TMTC1: variants seen among roughly 807,000 people sequenced by gnomAD.
TMTC1 encodes the protein transmembrane O-mannosyltransferase targeting cadherins 1, also known as protein O-mannosyl-transferase TMTC1.
A neutral mutation model predicts 104.8 loss-of-function variants in TMTC1; 73 were observed. The observed-to-expected ratio is 0.70, with a 90% confidence interval of 0.58 to 0.85. TMTC1 has a LOEUF of 0.85. Among genes scored for constraint, TMTC1 ranks in the 40% least tolerant of loss-of-function variants. The pLI, the probability that TMTC1 is intolerant of heterozygous loss-of-function variation, is 0.00. For synonymous variants in TMTC1, 434 were observed against 428.7 expected (o/e 1.01, Z -0.15); for missense variants, 1,035 against 1,096.1 (o/e 0.94, Z 0.79).
At chr12:29,718,801 C>T (rs1428339130) in intron 5 of TMTC1, among the ~76,000 whole-genome samples, 1 of 151,916 alleles carries the variant, frequency 6.6e-6, no homozygotes, top group African/African-American at 2.4e-5. Flanking sequence ...CGAGTGGTGA[C>T]GGGTGCCTGT....
At chr12:29,646,670 A>G (rs971808101) in intron 5 of TMTC1, among the ~76,000 whole-genome samples, 1 of 152,150 alleles carries the variant, frequency 6.6e-6, no homozygotes, top group African/African-American at 2.4e-5. Context: ...TCTGGTTTGG[A>G]AAACTACGCT....
Position 29,511,486 on chromosome 12 carries a change from T to C in TMTC1, c.2508+557A>G, listed in dbSNP as rs115845198. ...AATCGTTCATTGCATTAGTTACAGA[T>C]AATAGTCCCCCAAAGGTCATTTTCA... On this transcript the variant is annotated intron_variant, in intron 17 of 17. Transcript: ENST00000539277. 3.5e-3 allele frequency among the ~76,000 whole-genome samples: 538 copies of C among 152,246 alleles called. 6 individuals carry two copies. Among genetic ancestry groups the C allele is most frequent in the African/African-American group, 0.012 (511 of 41,542 alleles).
chr12:29,693,298 A>G (rs1457407816), intron 5 of TMTC1, among the ~76,000 whole-genome samples: 1 of 145,034 alleles, frequency 6.9e-6, no homozygotes, highest in African/African-American at 2.5e-5. Context: ...AATACATACA[A>G]TGTGTGCTGA....
At chr12:29,581,554 AT>A (rs112477346) in intron 8 of TMTC1, among the ~76,000 whole-genome samples, 62 of 151,004 alleles carry the variant, frequency 4.1e-4, no homozygotes, top group Middle Eastern at 3.4e-3. Flanking sequence ...CCAATCAGCT[AT>A]TTTTTTTTCT....
intron 6 of TMTC1, among the ~76,000 whole-genome samples, chr12:29,622,794 A>G (rs371538507): frequency 2.0e-5 from 3 of 152,228 alleles, no homozygotes; most frequent in African/African-American, 4.8e-5. Context: ...GTGTGAGTAG[A>G]AGGAGGAGAT....
intron 6 of TMTC1, among the ~76,000 whole-genome samples, chr12:29,627,475 G>C (rs1434011056): frequency 1.3e-5 from 2 of 152,138 alleles, no homozygotes; most frequent in African/African-American, 4.8e-5. Flanking sequence ...TGTTGGTTGG[G>C]ATGTAGAGAA....
At chr12:29,663,546 T>C (rs113514476) in intron 5 of TMTC1, among the ~76,000 whole-genome samples, 3,964 of 152,030 alleles carry the variant, frequency 0.026, 183 homozygotes, top group African/African-American at 0.09. Context: ...AACAGAGTCT[T>C]ACTCTTGTCG....
chr12:29,617,298 C>A (rs974987359), intron 6 of TMTC1, among the ~76,000 whole-genome samples: 1 of 151,986 alleles, frequency 6.6e-6, no homozygotes, highest in African/African-American at 2.4e-5. Context: ...TTTGTCAAAG[C>A]ACTCTTGAAA....
intron 8 of TMTC1, among the ~76,000 whole-genome samples, chr12:29,574,369 T>C (rs57712738): frequency 0.016 from 2,465 of 152,222 alleles, 70 homozygotes; most frequent in African/African-American, 0.057. Context: ...GTTTTTTTTG[T>C]TTTTCAAATG....
chr12:29,698,294 C>G (rs543636555), intron 5 of TMTC1, among the ~76,000 whole-genome samples: 1 of 152,300 alleles, frequency 6.6e-6, no homozygotes, highest in African/African-American at 2.4e-5. Flanking sequence ...CCCCACTTCC[C>G]CTTGCCCTAT....
At chr12:29,776,031 A>G (rs558051937) in intron 1 of TMTC1, among the ~76,000 whole-genome samples, 5 of 152,330 alleles carry the variant, frequency 3.3e-5, no homozygotes, top group Non-Finnish European at 5.9e-5. Context: ...AGTTTCTCTG[A>G]TAACATATTT....
chr12:29,543,199 T>A (rs1944849467), intron 10 of TMTC1, among the ~76,000 whole-genome samples: 1 of 152,220 alleles, frequency 6.6e-6, no homozygotes, highest in South Asian at 2.1e-4. Context: ...TTGGGACTGT[T>A]TTTCCTGTGT....
intron 5 of TMTC1, among the ~76,000 whole-genome samples, chr12:29,721,614 C>T (rs1942239501): frequency 6.6e-6 from 1 of 151,988 alleles, no homozygotes; most frequent in Non-Finnish European, 1.5e-5. Context: ...AATTTTAACA[C>T]ACTCCTTTCA....
rs2120501511 is a variant in TMTC1, at chr12:29,768,045, T to C, written c.333A>G (p.Pro111=). Residue 111 remains proline, a synonymous_variant, in exon 2 of 18, where the codon CCA becomes CCG. Coordinates refer to ENST00000539277, the MANE Select transcript of TMTC1 (RefSeq NM_001193451.2). ...TTATATTTACTGCATGAAAGTAGAATGGGTTCATACCAGTCAAAAATATGT... is the reference window on the plus strand; with the variant it reads ...TTATATTTACTGCATGAAAGTAGAACGGGTTCATACCAGTCAAAAATATGT... ...KLNIFLTGMN[P]FYFHAVNIIL... is the part of the protein sequence containing the mutation. The C allele has an allele frequency of 2.5e-6, 4 of 1,613,324 alleles. No individual in the cohort carries two copies. The highest frequency in any genetic ancestry group is 3.4e-6 in the Non-Finnish European group (4 of 1,179,660).
chr12:29,518,004 C>A (rs545477911), intron 13 of TMTC1, among the ~76,000 whole-genome samples: 1 of 152,114 alleles, frequency 6.6e-6, no homozygotes, highest in African/African-American at 2.4e-5. Context: ...CATGAGCCAC[C>A]GCACCTGGCC....
At chr12:29,580,246 G>T (rs1416540310) in intron 8 of TMTC1, among the ~76,000 whole-genome samples, 1 of 152,128 alleles carries the variant, frequency 6.6e-6, no homozygotes, top group Non-Finnish European at 1.5e-5. Context: ...TTGAGTCTGA[G>T]AGGTCAAGGC....
intron 5 of TMTC1, among the ~76,000 whole-genome samples, chr12:29,714,714 C>T (rs2136856514): frequency 1.3e-5 from 2 of 152,378 alleles, no homozygotes; most frequent in African/African-American, 4.8e-5. Context: ...GGCTCTCTCC[C>T]AAACGCACAT....
intron 5 of TMTC1, among the ~76,000 whole-genome samples, chr12:29,681,081 A>G (rs1434833264): frequency 6.9e-6 from 1 of 144,034 alleles, no homozygotes; most frequent in Non-Finnish European, 1.5e-5. Flanking sequence ...CCTGGGCAAC[A>G]GAGTAAGACC....
At chr12:29,593,974 T>A (rs922385911) in intron 7 of TMTC1, among the ~76,000 whole-genome samples, 7 of 152,194 alleles carry the variant, frequency 4.6e-5, no homozygotes, top group African/African-American at 1.4e-4. Flanking sequence ...TAAAAATCCA[T>A]CAATCCAAGT....
Sources: allele counts gnomAD v4.1 joint callset (sites outside exome capture counted in the v4.1 genomes callset), GRCh38; gene constraint gnomAD v4.1.1; transcripts MANE v1.5; gene names NCBI Gene and HGNC (gene_info 2026-07-23, HGNC 2026-07-21).